GPR137C: variants seen among roughly 807,000 people sequenced by gnomAD.
GPR137C encodes G protein-coupled receptor 137C.
In GPR137C, 27 loss-of-function variants were observed where a neutral mutation model predicts 43.4. The observed-to-expected ratio is 0.62, with a 90% CI of 0.46 to 0.86. GPR137C has a LOEUF of 0.86. GPR137C is among the 40% of genes least tolerant of loss of function. GPR137C has a pLI of 0.00. For missense variants in GPR137C, 522 were observed against 534.6 expected (o/e 0.98, Z 0.23); for synonymous variants, 285 against 226.9 (o/e 1.26, Z -2.30).
intron 1 of GPR137C, among the ~76,000 whole-genome samples, chr14:52,561,765 G>A (rs751956131): frequency 6.6e-5 from 10 of 152,114 alleles, no homozygotes; most frequent in Non-Finnish European, 1.2e-4. Flanking sequence ...TTAAATTTTA[G>A]AAAGTGCAAA....
At chr14:52,628,930 A>G (rs536364081) in intron 3 of GPR137C, among the ~76,000 whole-genome samples, 3 of 152,372 alleles carry the variant, frequency 2.0e-5, no homozygotes, top group Admixed American at 6.5e-5. Flanking sequence ...AAGATCTCCT[A>G]CAACTCATTG....
At chr14:52,622,818 G>T (rs573904772) in intron 3 of GPR137C, among the ~76,000 whole-genome samples, 14 of 152,118 alleles carry the variant, frequency 9.2e-5, no homozygotes, top group African/African-American at 3.4e-4. Context: ...GTACTCTAGG[G>T]TTTATATTTA....
At chr14:52,600,379 T>C (rs1235961426) in intron 3 of GPR137C, 38 bp downstream of exon 3, 16 of 1,057,744 alleles carry the variant, frequency 1.5e-5, no homozygotes, top group Non-Finnish European at 2.0e-5. Flanking sequence ...GAAAATCTAA[T>C]TTCAAATTCT....
At chr14:52,590,088 A>T (rs2038762682) in intron 1 of GPR137C, among the ~76,000 whole-genome samples, 1 of 152,152 alleles carries the variant, frequency 6.6e-6, no homozygotes, top group South Asian at 2.1e-4. Context: ...CGTGCATGTT[A>T]TTGCATCTAA....
chr14:52,582,011 C>G (rs2038654375), intron 1 of GPR137C, among the ~76,000 whole-genome samples: 1 of 152,150 alleles, frequency 6.6e-6, no homozygotes, highest in South Asian at 2.1e-4. Context: ...TTGTCTTAGT[C>G]TGCTTAGTCT....
At chr14:52,585,353 A>C (rs2038699498) in intron 1 of GPR137C, among the ~76,000 whole-genome samples, 1 of 151,696 alleles carries the variant, frequency 6.6e-6, no homozygotes, top group Non-Finnish European at 1.5e-5. Flanking sequence ...AATTAAACTA[A>C]CTCTCTCTTG....
At chr14:52,625,692 C>A (rs989246382) in intron 3 of GPR137C, among the ~76,000 whole-genome samples, 8 of 151,244 alleles carry the variant, frequency 5.3e-5, no homozygotes, top group African/African-American at 1.9e-4. Flanking sequence ...GCAGCTGGGA[C>A]TACAGGCACC....
intron 3 of GPR137C, among the ~76,000 whole-genome samples, 200 bp from the exon 4 acceptor site, chr14:52,631,960 A>G (rs1437047559): frequency 6.6e-6 from 1 of 152,000 alleles, no homozygotes; most frequent in Non-Finnish European, 1.5e-5. Context: ...TGGCAAAAAA[A>G]AAAAAAAAAC....
At chr14:52,568,018 A>G (rs2139451583) in intron 1 of GPR137C, among the ~76,000 whole-genome samples, 1 of 152,216 alleles carries the variant, frequency 6.6e-6, no homozygotes, top group South Asian at 2.1e-4. Flanking sequence ...GCCAAATAGG[A>G]ACAGCTCCAG....
chr14:52,637,531 A>G lies in GPR137C; in HGVS notation c.*2416A>G, dbSNP rs924434062. 1 of 152,194 alleles carries G rather than the reference A, an allele frequency of 6.6e-6. No homozygotes were observed. The highest frequency in any genetic ancestry group is 2.4e-5 in the African/African-American group (1 of 41,450). 9.4% of individuals were successfully genotyped at this position (152,194 alleles called of 1,614,324 possible). On this transcript the variant is annotated 3_prime_UTR_variant, in exon 7 of 7. Coordinates refer to ENST00000321662, the MANE Select transcript of GPR137C (RefSeq NM_001099652.2). ...TGTAGTTTTATGGAAAATGTAATTT[A>G]TAGCTAAAGTGGCTTTTTTATGCAT...
intron 1 of GPR137C, among the ~76,000 whole-genome samples, chr14:52,584,085 G>A (rs1228583800): frequency 2.0e-5 from 3 of 151,726 alleles, no homozygotes; most frequent in South Asian, 2.1e-4. Flanking sequence ...ACTTTTTGCC[G>A]TGCCAAACCT....
chr14:52,617,127 T>C (rs1566623125), intron 3 of GPR137C, among the ~76,000 whole-genome samples: 1 of 152,192 alleles, frequency 6.6e-6, no homozygotes, highest in African/African-American at 2.4e-5. Flanking sequence ...GGTGATCTTA[T>C]GATATCTATT....
At position 52,635,028 on chromosome 14, in the gene GPR137C, T is replaced by C; in HGVS notation, c.1203T>C (p.Pro401=). 6.2e-7 allele frequency: 1 copy of C among 1,612,686 alleles called. No individual in the cohort carries two copies. The highest frequency in any genetic ancestry group is 8.5e-7 in the Non-Finnish European group (1 of 1,179,238). The change falls in exon 7 of 7, where the codon CCT becomes CCC. Residue 401 remains proline, a synonymous_variant. Transcript: ENST00000321662. ...CAGTCACTCCCCACCTGAATGGACC[T>C]ATGACAGATACTGCTCCTTTGCTCT... ...SYTVTPHLNG[P]MTDTAPLLFT... is the part of the protein sequence containing the mutation.
rs772261750 is a variant in GPR137C at position 52,636,131 on chromosome 14, A to G, written c.*1016A>G. 2 of 152,070 alleles carry G rather than the reference A, an allele frequency of 1.3e-5. No individual in the cohort carries two copies. Among genetic ancestry groups the G allele is most frequent in the Non-Finnish European group, 2.9e-5 (2 of 67,982 alleles). The allele number at this position is 152,070 out of a possible 1,614,324, so 9.4% of individuals were successfully genotyped here. On this transcript the variant is annotated 3_prime_UTR_variant, in exon 7 of 7. Coordinates refer to ENST00000321662, the MANE Select transcript of GPR137C (RefSeq NM_001099652.2). The stretch of plus-strand genomic sequence containing the variant: ...ATACTTTGTAAGACATATAATTCCT[A>G]TGATTTTCACATTTTTATATCTTAT...
At chr14:52,616,710 A>G (rs2039104078) in intron 3 of GPR137C, among the ~76,000 whole-genome samples, 1 of 152,210 alleles carries the variant, frequency 6.6e-6, no homozygotes, top group Non-Finnish European at 1.5e-5. Context: ...GGTTCTTGTT[A>G]GAGAAAATAA....
intron 1 of GPR137C, among the ~76,000 whole-genome samples, chr14:52,587,736 C>T (rs2038730734): frequency 6.6e-6 from 1 of 152,184 alleles, no homozygotes; most frequent in African/African-American, 2.4e-5. Context: ...TGCCAGTGCA[C>T]TCCAGCCTGG....
chr14:52,618,039 A>G (rs981192883), intron 3 of GPR137C, among the ~76,000 whole-genome samples: 3 of 152,202 alleles, frequency 2.0e-5, no homozygotes, highest in African/African-American at 7.2e-5. Flanking sequence ...AATGTTGGCA[A>G]AATTTGACTG....
intron 3 of GPR137C, among the ~76,000 whole-genome samples, chr14:52,622,987 C>A (rs913971419): frequency 6.6e-6 from 1 of 152,038 alleles, no homozygotes; most frequent in Admixed American, 6.6e-5. Flanking sequence ...ATTTTACACA[C>A]AATTGGTCTA....
intron 3 of GPR137C, among the ~76,000 whole-genome samples, chr14:52,630,268 TC>T (rs1034223229): frequency 6.6e-5 from 10 of 152,180 alleles, no homozygotes; most frequent in Admixed American, 5.2e-4. Context: ...AAACAGTTTC[TC>T]TGTATTATAG....
Sources: gnomAD v4.1 joint callset for allele counts (sites outside exome capture counted in the v4.1 genomes callset) on GRCh38, gnomAD v4.1.1 for gene constraint, MANE v1.5 for transcripts, NCBI Gene and HGNC (gene_info 2026-07-23, HGNC 2026-07-21) for gene names.